Variants in CWF19L2 observed in about 807,000 individuals in gnomAD.
CWF19L2 encodes the protein CWF19 like cell cycle control factor 2.
In CWF19L2, 98 loss-of-function variants were observed where a neutral mutation model predicts 111.7. The observed-to-expected ratio is 0.88, with a 90% CI of 0.75 to 1.04. The LOEUF (loss-of-function observed/expected upper bound fraction) is 1.04. Among genes scored for constraint, CWF19L2 ranks in the 50% least tolerant of loss-of-function variants. CWF19L2 has a pLI of 0.00. For synonymous variants in CWF19L2, 351 were observed against 342.9 expected, an observed-to-expected ratio of 1.02 and a Z score of -0.26; for missense variants, 1,101 against 1,051.4, an observed-to-expected ratio of 1.05 and a Z score of -0.65.
chr11:107,440,560 C>T (rs1319961510), intron 5 of CWF19L2, among the ~76,000 whole-genome samples: 1 of 152,060 alleles, frequency 6.6e-6, no homozygotes. Flanking sequence ...GGTCTTAAGA[C>T]TCTCAAAAAT....
chr11:107,453,055 T>A (rs1383240240), intron 3 of CWF19L2, among the ~76,000 whole-genome samples: 2 of 151,930 alleles, frequency 1.3e-5, no homozygotes, highest in African/African-American at 4.8e-5. Flanking sequence ...GCGCAAAAAT[T>A]AGGATACCAG....
At chr11:107,369,108 T>C (rs1428075315) in intron 12 of CWF19L2, among the ~76,000 whole-genome samples, 1 of 137,982 alleles carries the variant, frequency 7.2e-6, no homozygotes, top group Non-Finnish European at 1.6e-5. Flanking sequence ...TTGGCCAGAA[T>C]GTAACGCCAG....
chr11:107,345,065 C>T (rs187227986), intron 14 of CWF19L2, among the ~76,000 whole-genome samples: 2 of 152,150 alleles, frequency 1.3e-5, no homozygotes, highest in East Asian at 1.9e-4. Flanking sequence ...CACATGGTTT[C>T]CACTCATCAT....
chr11:107,433,880 T>TTA (rs61304388), intron 6 of CWF19L2, 131 bp from the exon 7 acceptor site: 7,391 of 121,156 alleles, frequency 0.061, 220 homozygotes, highest in Non-Finnish European at 0.079. Flanking sequence ...CTTTGGAATT[T>TTA]TATATATATA....
chr11:107,426,531 T>G (rs989063851), intron 8 of CWF19L2, among the ~76,000 whole-genome samples: 2 of 151,912 alleles, frequency 1.3e-5, no homozygotes, highest in Non-Finnish European at 2.9e-5. Context: ...GCGGAATTGT[T>G]TCTTAGAGCA....
chr11:107,399,046 G>T (rs2135382793), intron 10 of CWF19L2, among the ~76,000 whole-genome samples: 1 of 151,956 alleles, frequency 6.6e-6, no homozygotes, highest in East Asian at 1.9e-4. Context: ...GGTTCCTTTT[G>T]CTAAAAGGAG....
intron 12 of CWF19L2, among the ~76,000 whole-genome samples, chr11:107,375,908 G>A (rs201283371): frequency 8.9e-5 from 5 of 56,074 alleles, no homozygotes; most frequent in African/African-American, 1.5e-4. Context: ...TCAAATAGAC[G>A]CAATAAAAAA....
intron 11 of CWF19L2, among the ~76,000 whole-genome samples, chr11:107,392,308 G>A (rs1434514525): frequency 6.6e-6 from 1 of 152,150 alleles, no homozygotes; most frequent in African/African-American, 2.4e-5. Context: ...TCAAGGTAGT[G>A]CTAAAAACTA....
chr11:107,455,640 C>A, intron 2 of CWF19L2, 26 bp downstream of exon 2: 1 of 1,306,538 alleles, frequency 7.7e-7, no homozygotes, highest in Admixed American at 2.3e-5. Flanking sequence ...GATATCCTTA[C>A]ATCACGTAAA....
At chr11:107,452,313 T>C (rs935852445) in intron 3 of CWF19L2, among the ~76,000 whole-genome samples, 1 of 152,092 alleles carries the variant, frequency 6.6e-6, no homozygotes, top group Admixed American at 6.5e-5. Context: ...ATGTTTCAAG[T>C]CACTTCTATA....
intron 3 of CWF19L2, among the ~76,000 whole-genome samples, chr11:107,453,371 A>C (rs1861805409): frequency 6.6e-6 from 1 of 151,870 alleles, no homozygotes; most frequent in Non-Finnish European, 1.5e-5. Flanking sequence ...CTCTCCCCCA[A>C]CCCAAGGCTG....
At chr11:107,401,651 T>C (rs891759223) in intron 10 of CWF19L2, among the ~76,000 whole-genome samples, 14 of 152,022 alleles carry the variant, frequency 9.2e-5, no homozygotes, top group African/African-American at 3.4e-4. Flanking sequence ...AAAATGACCA[T>C]ACTGCCAAAA....
chr11:107,404,197 T>C (rs1387049975), intron 10 of CWF19L2: 12 of 776,648 alleles, frequency 1.5e-5, no homozygotes, highest in African/African-American at 1.4e-4. Context: ...GGAATTATGA[T>C]AGACCTTCAT....
rs1349155679 is a variant in CWF19L2, at chr11:107,367,662, C to G, written c.1873-13926G>C. Among the ~76,000 whole-genome samples the G allele has an allele frequency of 1.2e-4, 11 of 90,142 alleles. 1 individual carries two copies. Among genetic ancestry groups the G allele is most frequent in the Non-Finnish European group, 2.0e-4 (10 of 49,926 alleles). 59.1% of individuals were successfully genotyped at this position (90,142 alleles called of 152,430 possible). On this transcript the variant is annotated intron_variant, in intron 12 of 17. Coordinates refer to ENST00000282251, the MANE Select transcript of CWF19L2 (RefSeq NM_152434.3). ...TGGACACAGGAAGGGGAATATCACA[C>G]TCTGGGGACTGTTGTGGGGTGGGGG...
chr11:107,456,141 T>TA (rs1185388651), intron 1 of CWF19L2, among the ~76,000 whole-genome samples: 1 of 152,134 alleles, frequency 6.6e-6, no homozygotes, highest in Non-Finnish European at 1.5e-5. Context: ...TTGCAACAGT[T>TA]AGACCTCCAC....
chr11:107,411,887 G>A (rs567426705), intron 10 of CWF19L2, among the ~76,000 whole-genome samples: 3 of 152,146 alleles, frequency 2.0e-5, no homozygotes, highest in East Asian at 1.9e-4. Flanking sequence ...AGGCAGAGAC[G>A]GATTGTCAAA....
At chr11:107,447,168 T>A (rs1861712622) in intron 3 of CWF19L2, among the ~76,000 whole-genome samples, 1 of 152,196 alleles carries the variant, frequency 6.6e-6, no homozygotes, top group Non-Finnish European at 1.5e-5. Flanking sequence ...TCTCTACAGC[T>A]TTTTATCTAA....
chr11:107,415,450 T>C (rs961508491), intron 10 of CWF19L2, among the ~76,000 whole-genome samples: 4 of 152,194 alleles, frequency 2.6e-5, no homozygotes, highest in Admixed American at 6.5e-5. Context: ...ATTGTTTCCC[T>C]CCCTACCCAA....
chr11:107,430,700 G>C (rs1405286365), intron 7 of CWF19L2, among the ~76,000 whole-genome samples: 1 of 152,084 alleles, frequency 6.6e-6, no homozygotes, highest in Admixed American at 6.5e-5. Context: ...CAGAAAGTAG[G>C]AAGGTGGTTA....
Sources: allele counts gnomAD v4.1 joint callset (sites outside exome capture counted in the v4.1 genomes callset), GRCh38; gene constraint gnomAD v4.1.1; transcripts MANE v1.5; gene names NCBI Gene and HGNC (gene_info 2026-07-23, HGNC 2026-07-21).